Variants in BACE1 observed in about 807,000 individuals in gnomAD.
BACE1 encodes the protein APP beta-secretase.
Under a neutral mutation model 54.0 loss-of-function variants are expected in BACE1, and 21 were observed. The observed-to-expected ratio is 0.39, with a 90% CI of 0.28 to 0.56. BACE1 has a LOEUF of 0.56. Among genes scored for constraint, BACE1 ranks in the 20% least tolerant of loss-of-function variants. The pLI, the probability that BACE1 is intolerant of heterozygous loss-of-function variation, is 0.63. For synonymous variants in BACE1, 232 were observed against 260.9 expected (o/e 0.89, Z 1.07); for missense variants, 511 against 661.2 (o/e 0.77, Z 2.49).
At chr11:117,292,092 A>C (rs1403884979) in intron 5 of BACE1, 1 of 204,724 alleles carries the variant, frequency 4.9e-6, no homozygotes, top group Non-Finnish European at 9.8e-6. Context: ...GCACTTGGTA[A>C]ATGTTTATTC....
intron 1 of BACE1, among the ~76,000 whole-genome samples, chr11:117,302,044 G>C (rs908165611): frequency 6.6e-6 from 1 of 152,126 alleles, no homozygotes; most frequent in South Asian, 2.1e-4. Flanking sequence ...TATTAAAAAC[G>C]TAAAGCTGGC....
At position 117,285,979 on chromosome 11, in the gene BACE1, C is replaced by G. The variant is rs2034250076; in HGVS notation, c.*3587G>C. On this transcript the variant is annotated 3_prime_UTR_variant, in exon 9 of 9. Coordinates refer to ENST00000313005, the MANE Select transcript of BACE1 (RefSeq NM_012104.6). Reference sequence around the variant, plus strand: ...AGGCCAACATTGTGAAGTCCTCACCCTTTCCCATTCACTTCTGGTCTCCTA... The same window carrying G: ...AGGCCAACATTGTGAAGTCCTCACCGTTTCCCATTCACTTCTGGTCTCCTA... 6.6e-6 allele frequency: 1 copy of G among 152,658 alleles called. No homozygotes were observed. The highest frequency in any genetic ancestry group is 1.5e-5 in the Non-Finnish European group (1 of 68,054). The allele number at this position is 152,658 out of a possible 1,614,324, so 9.5% of individuals were successfully genotyped here.
chr11:117,292,928 A>G (rs1430520818), intron 5 of BACE1, 126 bp downstream of exon 5: 5 of 1,215,374 alleles, frequency 4.1e-6, no homozygotes, highest in Non-Finnish European at 5.8e-6. Flanking sequence ...TTCTAGGCTC[A>G]ACTTCCAACC....
rs2034352832 is a variant in BACE1, at chr11:117,289,560, G to T, written c.*6C>A. 1.2e-6 allele frequency: 2 copies of T among 1,613,748 alleles called. No homozygotes were observed. The highest frequency in any genetic ancestry group is 1.7e-6 in the Non-Finnish European group (2 of 1,179,922). ...GGGAATCTCTATCTTCTGCCCATGG[G>T]CCTCCTCACTTCAGCAGGGAGATGT... On this transcript the variant is annotated 3_prime_UTR_variant, in exon 9 of 9. Coordinates refer to ENST00000313005, the MANE Select transcript of BACE1 (RefSeq NM_012104.6).
At chr11:117,304,244 C>A (rs889244120) in intron 1 of BACE1, among the ~76,000 whole-genome samples, 4 of 152,226 alleles carry the variant, frequency 2.6e-5, no homozygotes, top group Admixed American at 2.6e-4. Flanking sequence ...TCAGTCTTGC[C>A]TCCTTCCAAA....
chr11:117,313,946 T>C lies in BACE1; in HGVS notation c.261+1589A>G, dbSNP rs2035012999. Among the ~76,000 whole-genome samples, 3 of 152,308 alleles carry C rather than the reference T, an allele frequency of 2.0e-5. No individual in the cohort carries two copies. The South Asian group carries it at 6.2e-4, about 32-fold the overall frequency. On this transcript the variant is annotated intron_variant, in intron 1 of 8. Transcript: ENST00000313005. Reference sequence around the variant, plus strand: ...ACCTTGCAAAGGAGGTCTCATTTCCTACTCATTTTAAAGATATGACAGTAG... The same window carrying C: ...ACCTTGCAAAGGAGGTCTCATTTCCCACTCATTTTAAAGATATGACAGTAG...
At chr11:117,312,588 G>A (rs917722944) in intron 1 of BACE1, among the ~76,000 whole-genome samples, 5 of 151,948 alleles carry the variant, frequency 3.3e-5, no homozygotes, top group Middle Eastern at 3.4e-3. Flanking sequence ...TCAGCCTCCC[G>A]AGTAGCTGGG....
Position 117,315,745 on chromosome 11 carries a change from C to A in BACE1, c.51G>T (p.Leu17=). 6.8e-7 allele frequency: 1 copy of A among 1,472,078 alleles called. No individual in the cohort carries two copies. The highest frequency in any genetic ancestry group is 2.9e-5 in the East Asian group (1 of 35,052). The allele number at this position is 1,472,078 out of a possible 1,614,324, so 91.2% of individuals were successfully genotyped here. ...WLLLWMGAGV[L]PAHGTQHGIR... ...TGCCGTGCTGGGTGCCGTGGGCAGG[C>A]AGCACTCCCGCGCCCATCCACAGCA... is the stretch of plus-strand genomic sequence containing the variant. Residue 17 remains leucine, a synonymous_variant, in exon 1 of 9, where the codon CTG becomes CTT. Transcript: ENST00000313005. This position sits in a 1 kb window ranked among gnomAD's most constrained non-coding sequence, Gnocchi z 5.5.
intron 1 of BACE1, among the ~76,000 whole-genome samples, chr11:117,297,658 T>TA (rs1396836500): frequency 1.3e-5 from 2 of 151,936 alleles, no homozygotes; most frequent in African/African-American, 4.8e-5. Flanking sequence ...CAAAAATAGT[T>TA]ATGGGAGGGA....
Position 117,293,964 on chromosome 11 carries a change from C to T in BACE1, c.612G>A (p.Gln204=). 1 of 1,614,010 alleles carries T rather than the reference C, an allele frequency of 6.2e-7. No homozygotes were observed. Among genetic ancestry groups the T allele is most frequent in the Non-Finnish European group, 8.5e-7 (1 of 1,179,956 alleles). ...LEPFFDSLVK[Q]THVPNLFSLQ... ...GGGAGAAGAGGTTGGGAACGTGGGT[C>T]TGCTTTACCAGAGAGTCAAAGAAAG... is the stretch of plus-strand genomic sequence containing the variant. Residue 204 remains glutamine, a synonymous_variant, in exon 4 of 9, where the codon CAG becomes CAA. Coordinates refer to ENST00000313005, the MANE Select transcript of BACE1 (RefSeq NM_012104.6). This position sits in a 1 kb window ranked among gnomAD's most constrained non-coding sequence, Gnocchi z 4.1.
intron 1 of BACE1, among the ~76,000 whole-genome samples, chr11:117,301,618 A>G (rs1215184633): frequency 6.6e-6 from 1 of 152,050 alleles, no homozygotes; most frequent in East Asian, 1.9e-4. Flanking sequence ...AAAAAAAAAA[A>G]AAGGTCAAAT....
intron 1 of BACE1, among the ~76,000 whole-genome samples, chr11:117,300,127 A>G (rs2034690418): frequency 2.0e-5 from 3 of 151,566 alleles, no homozygotes; most frequent in African/African-American, 7.3e-5. Flanking sequence ...CTGTCCTTCC[A>G]GCCCCAGCCT....
At chr11:117,297,037 C>T in intron 1 of BACE1, 76 bp from the exon 2 acceptor site, 3 of 1,094,006 alleles carry the variant, frequency 2.7e-6, no homozygotes, top group Non-Finnish European at 4.1e-6. Flanking sequence ...TCCCTCACGC[C>T]CCAGCCACAG....
intron 1 of BACE1, among the ~76,000 whole-genome samples, chr11:117,310,299 A>G (rs573828082): frequency 1.6e-4 from 25 of 152,274 alleles, no homozygotes; most frequent in African/African-American, 6.0e-4. Context: ...AGAGGCTTGC[A>G]GCTTATGTAT....
intron 2 of BACE1, 143 bp from the exon 3 acceptor site, chr11:117,295,490 A>G: frequency 1.3e-6 from 2 of 1,536,854 alleles, no homozygotes; most frequent in South Asian, 1.2e-5. Flanking sequence ...AAACATCCCT[A>G]GACTCACCAC....
intron 1 of BACE1, among the ~76,000 whole-genome samples, chr11:117,305,137 A>G (rs530828643): frequency 6.6e-6 from 1 of 152,128 alleles, no homozygotes; most frequent in African/African-American, 2.4e-5. Context: ...ATGTTGGTGA[A>G]TATCCACCCA....
intron 1 of BACE1, among the ~76,000 whole-genome samples, chr11:117,309,710 G>A (rs933485403): frequency 3.9e-5 from 6 of 152,126 alleles, no homozygotes; most frequent in African/African-American, 1.4e-4. Flanking sequence ...TTATGTCTAT[G>A]TCTCACATCA....
At chr11:117,299,948 C>T (rs1449367840) in intron 1 of BACE1, among the ~76,000 whole-genome samples, 1 of 152,126 alleles carries the variant, frequency 6.6e-6, no homozygotes, top group Non-Finnish European at 1.5e-5. Context: ...AGGGAACATC[C>T]GGCAAGTTCT....
intron 1 of BACE1, among the ~76,000 whole-genome samples, chr11:117,299,021 G>T (rs767863379): frequency 9.2e-5 from 14 of 152,136 alleles, no homozygotes; most frequent in Non-Finnish European, 1.6e-4. Flanking sequence ...GGCCAGGCTG[G>T]TCTCGAACTC....
Sources: gnomAD v4.1 joint callset for allele counts (sites outside exome capture counted in the v4.1 genomes callset) on GRCh38, gnomAD v4.1.1 for gene constraint, Gnocchi (gnomAD v3.1) non-coding constraint, MANE v1.5 for transcripts, NCBI Gene and HGNC (gene_info 2026-07-23, HGNC 2026-07-21) for gene names.